Variants in UTS2B observed in about 807,000 individuals in gnomAD.
The protein encoded by UTS2B is urotensin-2B.
In UTS2B, 21 loss-of-function variants were observed where a neutral mutation model predicts 19.2. The ratio of observed to expected loss-of-function variants is 1.09; its 90% confidence interval spans 0.78 to 1.58. The LOEUF is 1.58. Among genes scored for constraint, UTS2B ranks in the 40% most tolerant of loss-of-function variants. The pLI is 0.00. For missense variants in UTS2B, 138 were observed against 130.3 expected (o/e 1.06, Z -0.29); for synonymous variants, 57 against 50.2 (o/e 1.14, Z -0.58).
At chr3:191,299,997 T>G (rs756395918) in intron 4 of UTS2B, among the ~76,000 whole-genome samples, 2 of 152,220 alleles carry the variant, frequency 1.3e-5, no homozygotes, top group African/African-American at 2.4e-5. Flanking sequence ...ACTTGCATGG[T>G]GCCTGTAGCC....
At chr3:191,343,891 A>G in the UTS2B span, among the ~76,000 whole-genome samples, 1 of 152,234 alleles carries the variant, frequency 6.6e-6, no homozygotes, top group Non-Finnish European at 1.5e-5. Flanking sequence ...CTTTCTAATC[A>G]GAAATTTGTT....
chr3:191,318,442 G>GT (rs67280555), intron 2 of UTS2B, among the ~76,000 whole-genome samples: 45,037 of 152,034 alleles, frequency 0.3, 7,006 homozygotes, highest in African/African-American at 0.38. Flanking sequence ...GGGTTGCAAT[G>GT]TTTCCAGCTT....
At chr3:191,340,891 A>G in the UTS2B span, among the ~76,000 whole-genome samples, 1 of 152,172 alleles carries the variant, frequency 6.6e-6, no homozygotes, top group Non-Finnish European at 1.5e-5. Flanking sequence ...GCTGGCGTGC[A>G]GTGGTGCAGT....
chr3:191,326,791 T>C (rs1443880183), intron 2 of UTS2B, among the ~76,000 whole-genome samples: 1 of 152,222 alleles, frequency 6.6e-6, no homozygotes. Flanking sequence ...TTGCTAGAAG[T>C]TGCCTACTCT....
intron 1 of UTS2B, chr3:191,329,323 C>T (rs893743671): frequency 5.1e-5 from 13 of 257,144 alleles, no homozygotes; most frequent in Non-Finnish European, 8.7e-5. Flanking sequence ...AGACCTGCAG[C>T]TCCCCCTCCC....
Position 191,289,408 on chromosome 3 carries a change from C to CAATAAATAAATAAATA in UTS2B, c.-124-7111_-124-7096dup, listed in dbSNP as rs373034429. 1.7e-3 allele frequency among the ~76,000 whole-genome samples: 230 copies of CAATAAATAAATAAATA among 139,332 alleles called. 1 individual carries two copies. Among genetic ancestry groups the CAATAAATAAATAAATA allele is most frequent in the South Asian group, 6.1e-3 (26 of 4,280 alleles). The allele number at this position is 139,332 out of a possible 152,430, so 91.4% of individuals were successfully genotyped here. A position where few individuals can be genotyped will look rare whatever the true frequency, so the allele number is the denominator to read the frequency against. ...TGGGCAACAGACCAAGACTCCATCT[C>CAATAAATAAATAAATA]AATAAATAAATAAATAAATAAATAA... On this transcript the variant is annotated intron_variant, in intron 4 of 8. Coordinates refer to ENST00000340524, the MANE Select transcript of UTS2B (RefSeq NM_198152.5).
At chr3:191,340,671 T>C in the UTS2B span, among the ~76,000 whole-genome samples, 1 of 152,204 alleles carries the variant, frequency 6.6e-6, no homozygotes, top group Non-Finnish European at 1.5e-5. Context: ...TGGCGGAGCT[T>C]ATTAAACATT....
chr3:191,293,014 G>T (rs182932312), intron 4 of UTS2B, among the ~76,000 whole-genome samples: 18 of 151,720 alleles, frequency 1.2e-4, no homozygotes, highest in Middle Eastern at 3.4e-3. Flanking sequence ...AAAAAAAAAA[G>T]AATAAAGTTC....
At chr3:191,324,250 A>T (rs1331821116) in intron 2 of UTS2B, among the ~76,000 whole-genome samples, 1 of 152,236 alleles carries the variant, frequency 6.6e-6, no homozygotes, top group Non-Finnish European at 1.5e-5. Context: ...CTCTTACCAG[A>T]TGGGACTCCT....
chr3:191,304,381 A>G (rs778620526), intron 4 of UTS2B, 111 bp downstream of exon 4: 4 of 152,230 alleles, frequency 2.6e-5, no homozygotes, highest in African/African-American at 7.2e-5. Flanking sequence ...GTTGCTCACC[A>G]TCATCCCAGT....
intron 2 of UTS2B, among the ~76,000 whole-genome samples, chr3:191,319,222 A>C (rs1717547382): frequency 6.6e-6 from 1 of 152,194 alleles, no homozygotes; most frequent in African/African-American, 2.4e-5. Context: ...GTCCCTGCCA[A>C]GCTCTTGGCT....
At chr3:191,344,464 C>T in the UTS2B span, among the ~76,000 whole-genome samples, 1 of 152,098 alleles carries the variant, frequency 6.6e-6, no homozygotes, top group Non-Finnish European at 1.5e-5. Context: ...ATATGATTGG[C>T]GGCTACCATA....
intron 3 of UTS2B, among the ~76,000 whole-genome samples, chr3:191,311,872 G>C (rs192670603): frequency 6.6e-6 from 1 of 152,262 alleles, no homozygotes; most frequent in East Asian, 1.9e-4. Context: ...AAGTGCAGTG[G>C]CTCACGCCTG....
chr3:191,319,313 C>T (rs2108611299), intron 2 of UTS2B, among the ~76,000 whole-genome samples: 1 of 152,346 alleles, frequency 6.6e-6, no homozygotes, highest in East Asian at 1.9e-4. Context: ...CATAGAAAAT[C>T]TCTCACATGA....
At chr3:191,327,107 C>T (rs1483446710) in intron 2 of UTS2B, among the ~76,000 whole-genome samples, 1 of 152,208 alleles carries the variant, frequency 6.6e-6, no homozygotes, top group East Asian at 1.9e-4. Context: ...CTGTAACAGT[C>T]ACAGTCTAGG....
In UTS2B at chr3:191,267,216, G is replaced by A. The variant is rs1395895826; in HGVS notation, c.*1200C>T. 6.6e-6 allele frequency: 1 copy of A among 152,126 alleles called. No individual in the cohort carries two copies. The highest frequency in any genetic ancestry group is 1.5e-5 in the Non-Finnish European group (1 of 68,024). 9.4% of individuals were successfully genotyped at this position (152,126 alleles called of 1,614,324 possible). On this transcript the variant is annotated 3_prime_UTR_variant, in exon 9 of 9. Coordinates refer to ENST00000340524, the MANE Select transcript of UTS2B (RefSeq NM_198152.5). ...ATAGTTCAACAGCATAGTCACAACA[G>A]GACAAAACTTTACATAAGCAATGAA...
intron 4 of UTS2B, among the ~76,000 whole-genome samples, chr3:191,289,375 C>G (rs1716646907): frequency 1.3e-5 from 2 of 151,056 alleles, no homozygotes; most frequent in Admixed American, 6.6e-5. Flanking sequence ...CGCCACTGCA[C>G]TCCGGCCTGG....
chr3:191,292,055 T>C (rs1262469964), intron 4 of UTS2B, among the ~76,000 whole-genome samples: 1 of 152,098 alleles, frequency 6.6e-6, no homozygotes, highest in Non-Finnish European at 1.5e-5. Context: ...TGTGAAAAGC[T>C]GTTTTGATTT....
At chr3:191,311,194 A>G (rs1380211851) in intron 3 of UTS2B, among the ~76,000 whole-genome samples, 3 of 152,254 alleles carry the variant, frequency 2.0e-5, no homozygotes, top group Non-Finnish European at 4.4e-5. Flanking sequence ...GTTCCCTGAT[A>G]GCAGTCAGTT....
Sources: allele counts gnomAD v4.1 joint callset (sites outside exome capture counted in the v4.1 genomes callset), GRCh38; gene constraint gnomAD v4.1.1; transcripts MANE v1.5; gene names NCBI Gene and HGNC (gene_info 2026-07-23, HGNC 2026-07-21).